MYO18B: variants seen among roughly 807,000 people sequenced by gnomAD.
MYO18B encodes the protein myosin XVIIIB.
A neutral mutation model predicts 273.0 loss-of-function variants in MYO18B; 204 were observed. That is an observed-to-expected ratio of 0.75 (90% CI 0.67 to 0.84). The LOEUF (loss-of-function observed/expected upper bound fraction) is 0.84. MYO18B is among the 40% of genes least tolerant of loss of function. MYO18B has a pLI of 0.00. For missense variants in MYO18B, 3,212 were observed against 3,287.6 expected (o/e 0.98, Z 0.56); for synonymous variants, 1,330 against 1,305.7 (o/e 1.02, Z -0.40).
chr22:25,953,796 T>C (rs2146638991), intron 38 of MYO18B, among the ~76,000 whole-genome samples: 1 of 152,330 alleles, frequency 6.6e-6, no homozygotes, highest in African/African-American at 2.4e-5. Context: ...AAAAATTCTA[T>C]CTCCAAATTC....
At chr22:25,744,793 A>G (rs928923092) in intron 1 of MYO18B, among the ~76,000 whole-genome samples, 1 of 152,154 alleles carries the variant, frequency 6.6e-6, no homozygotes, top group Non-Finnish European at 1.5e-5. Context: ...AAAATGGAGG[A>G]GGTGGGTTTG....
the MYO18B span, among the ~76,000 whole-genome samples, chr22:26,059,538 A>G: frequency 2.0e-5 from 3 of 152,216 alleles, no homozygotes; most frequent in Non-Finnish European, 2.9e-5. Flanking sequence ...CCCCTTTCAT[A>G]GGCAAGGGAA....
At chr22:25,764,940 A>G (rs573102583) in intron 3 of MYO18B, among the ~76,000 whole-genome samples, 19 of 151,842 alleles carry the variant, frequency 1.3e-4, no homozygotes, top group Admixed American at 7.9e-4. Context: ...AGGCAGAGCG[A>G]GGGGGAGAGC....
At chr22:25,941,366 G>A (rs1355664107) in intron 34 of MYO18B, among the ~76,000 whole-genome samples, 1 of 152,144 alleles carries the variant, frequency 6.6e-6, no homozygotes, top group Non-Finnish European at 1.5e-5. Context: ...CACAAGGGTT[G>A]GAGAGTGAAC....
At chr22:26,063,767 G>T in the MYO18B span, among the ~76,000 whole-genome samples, 1 of 152,170 alleles carries the variant, frequency 6.6e-6, no homozygotes, top group Non-Finnish European at 1.5e-5. Context: ...GGGAAACTGT[G>T]ACTATAGATT....
intron 21 of MYO18B, among the ~76,000 whole-genome samples, chr22:25,866,402 G>T (rs1322111265): frequency 6.6e-6 from 1 of 152,128 alleles, no homozygotes; most frequent in African/African-American, 2.4e-5. Flanking sequence ...ATTAAATGGC[G>T]ATTAGTCCAT....
At chr22:25,948,519 T>TC (rs369829547) in intron 36 of MYO18B, among the ~76,000 whole-genome samples, 135 of 8,646 alleles carry the variant, frequency 0.016, 3 homozygotes, top group African/African-American at 0.037. Flanking sequence ...TCTCTTTCCT[T>TC]CTTTCTTTCT....
At chr22:25,861,239 G>A (rs543859015) in intron 21 of MYO18B, among the ~76,000 whole-genome samples, 116 of 152,172 alleles carry the variant, frequency 7.6e-4, no homozygotes, top group African/African-American at 2.2e-3. Flanking sequence ...CAGGTATTAC[G>A]CTCTCCAACT....
chr22:25,914,334 T>C (rs1370627522), intron 33 of MYO18B, among the ~76,000 whole-genome samples: 1 of 152,206 alleles, frequency 6.6e-6, no homozygotes, highest in African/African-American at 2.4e-5. Flanking sequence ...TTGGGAACAA[T>C]TGACTTTTTT....
At chr22:25,821,578 C>A (rs536488122) in intron 12 of MYO18B, among the ~76,000 whole-genome samples, 1 of 152,088 alleles carries the variant, frequency 6.6e-6, no homozygotes, top group Non-Finnish European at 1.5e-5. Context: ...GAGATGGAGA[C>A]CATCCTGGCT....
In MYO18B at chr22:25,871,714, A is replaced by G. The variant is rs1284214866; in HGVS notation, c.3952-2572A>G. On this transcript the variant is annotated intron_variant, in intron 22 of 43. Transcript: ENST00000335473. ...CTTATCAAGGCTTGTGCTGAGGGCCATGGCATTTGTGGGAAAGGTGTGATT... is the reference window on the plus strand; with the variant it reads ...CTTATCAAGGCTTGTGCTGAGGGCCGTGGCATTTGTGGGAAAGGTGTGATT... Among the ~76,000 whole-genome samples the G allele has an allele frequency of 2.0e-5, 3 of 152,166 alleles. 1 individual carries two copies. The highest frequency in any genetic ancestry group is 3.9e-4 in the East Asian group (2 of 5,194).
intron 27 of MYO18B, among the ~76,000 whole-genome samples, chr22:25,892,003 C>CA (rs994400567): frequency 3.3e-4 from 50 of 152,066 alleles, no homozygotes; most frequent in African/African-American, 1.1e-3. Context: ...GACCCTGTCT[C>CA]AAAAAAATAA....
At chr22:25,778,834 G>T (rs1453073857) in intron 8 of MYO18B, among the ~76,000 whole-genome samples, 1 of 151,420 alleles carries the variant, frequency 6.6e-6, no homozygotes, top group African/African-American at 2.4e-5. Context: ...TATAAGGTAG[G>T]TATTATTATT....
At position 25,894,980 on chromosome 22, in the gene MYO18B, G is replaced by C. The variant is rs145414151; in HGVS notation, c.4544-176G>C. On this transcript the variant is annotated intron_variant, in intron 27 of 43. Coordinates refer to ENST00000335473, the MANE Select transcript of MYO18B (RefSeq NM_032608.7). ...TCAGGACAGGCTGCCTGGAGGAAGC[G>C]TTATTTAAAACTCAGAGTTAAAGCA... 575 of 710,826 alleles carry C rather than the reference G, an allele frequency of 8.1e-4. 6 individuals carry two copies. The African/African-American group carries it at 9.1e-3, about 11-fold the overall frequency. 44.0% of individuals were successfully genotyped at this position (710,826 alleles called of 1,614,324 possible).
rs142752387 is a variant in MYO18B, at chr22:26,008,639, C to T, written c.6470+3784C>T. Among the ~76,000 whole-genome samples the T allele has an allele frequency of 3.2e-3, 481 of 152,304 alleles. 8 individuals are homozygous for T. The highest frequency in any genetic ancestry group is 0.026 in the Admixed American group (403 of 15,300). On this transcript the variant is annotated intron_variant, in intron 42 of 43. Coordinates refer to ENST00000335473, the MANE Select transcript of MYO18B (RefSeq NM_032608.7). ...TGATAAGTGCAAGCGCTTCTGGAGA[C>T]GAAGACACTAAATTACCTTTGTGGC...
chr22:26,026,964 T>C lies in MYO18B; in HGVS notation c.6990T>C (p.Ser2330=). 3 of 1,613,780 alleles carry C rather than the reference T, an allele frequency of 1.9e-6. No homozygotes were observed. The highest frequency in any genetic ancestry group is 2.5e-6 in the Non-Finnish European group (3 of 1,179,816). ...LLRSTSLKCI[S]SDGVGGTTLL... ...GGTCCACCAGCCTCAAATGCATCTC[T>C]TCAGACGGTGTTGGGGGCACAACCC... is the stretch of plus-strand genomic sequence containing the variant. The change falls in exon 43 of 44, where the codon TCT becomes TCC. Residue 2330 remains serine, a synonymous_variant. Transcript: ENST00000335473.
intron 39 of MYO18B, among the ~76,000 whole-genome samples, chr22:25,977,959 CGAT>C (rs1243367000): frequency 2.6e-5 from 4 of 152,116 alleles, no homozygotes; most frequent in Non-Finnish European, 5.9e-5. Context: ...CTGTGTGAAT[CGAT>C]GGCCCATGTT....
rs2089590523 is a variant in MYO18B at position 25,828,759 on chromosome 22, C to T, written c.2787-17C>T. The stretch of plus-strand genomic sequence containing the variant: ...CCATGCCATCTCAGACATTCCACCT[C>T]TCTCTTCTCTCCCTAGATCCTTTTC... On this transcript the variant is annotated splice_polypyrimidine_tract_variant and intron_variant, in intron 14 of 43. Transcript: ENST00000335473. 2 of 1,607,832 alleles carry T rather than the reference C, an allele frequency of 1.2e-6. No individual in the cohort carries two copies. Among genetic ancestry groups the T allele is most frequent in the Admixed American group, 1.7e-5 (1 of 59,870 alleles).
intron 7 of MYO18B, among the ~76,000 whole-genome samples, chr22:25,773,004 C>T (rs958587018): frequency 6.6e-6 from 1 of 152,136 alleles, no homozygotes; most frequent in African/African-American, 2.4e-5. Flanking sequence ...TCTCAGGAGT[C>T]CTGAGCACCC....
Sources: gnomAD v4.1 joint callset for allele counts (sites outside exome capture counted in the v4.1 genomes callset) on GRCh38, gnomAD v4.1.1 for gene constraint, MANE v1.5 for transcripts, NCBI Gene and HGNC (gene_info 2026-07-23, HGNC 2026-07-21) for gene names.